Variants in FTCD observed in about 807,000 individuals in gnomAD.
FTCD encodes formimidoyltransferase-cyclodeaminase.
In FTCD, 76 loss-of-function variants were observed where a neutral mutation model predicts 62.9. The observed-to-expected ratio is 1.21, with a 90% confidence interval of 1.00 to 1.46. The LOEUF is 1.46. Among genes scored for constraint, FTCD ranks in the 40% most tolerant of loss-of-function variants. FTCD has a pLI of 0.00. For missense variants in FTCD, 845 were observed against 751.3 expected (o/e 1.12, Z -1.46); for synonymous variants, 397 against 336.9 (o/e 1.18, Z -1.95).
At chr21:46,146,693 A>C (rs1477163862) in intron 7 of FTCD, 7 of 356,398 alleles carry the variant, frequency 2.0e-5, no homozygotes, top group African/African-American at 1.0e-4. Flanking sequence ...GAAAGATTTT[A>C]ATTCACCAAG....
At position 46,137,329 on chromosome 21, in the gene FTCD, C is replaced by T. The variant is rs371212557; in HGVS notation, c.1449G>A (p.Ala483=). The T allele has an allele frequency of 1.6e-5, 26 of 1,612,936 alleles. No individual in the cohort carries two copies. The highest frequency in any genetic ancestry group is 3.3e-5 in the Admixed American group (2 of 60,028). ...ACACGCCCATCTCCAGGGCTTTGGC[C>T]GCCACCTGCAAGGACCCCAGGGAGC... ...NLACRSDLQV[A]AKALEMGVFG... Residue 483 remains alanine, a synonymous_variant, in exon 13 of 14, where the codon GCG becomes GCA. Transcript: ENST00000397746.
At position 46,145,897 on chromosome 21, in the gene FTCD, A is replaced by G; in HGVS notation, c.1019T>C (p.Leu340Pro). 1 of 1,487,960 alleles carries G rather than the reference A, an allele frequency of 6.7e-7. No individual in the cohort carries two copies. The highest frequency in any genetic ancestry group is 1.3e-5 in the South Asian group (1 of 79,690). The allele number at this position is 1,487,960 out of a possible 1,614,324, so 92.2% of individuals were successfully genotyped here. A position where few individuals can be genotyped will look rare whatever the true frequency, so the allele number is the denominator to read the frequency against. Reference sequence around the variant, plus strand: ...ACCCACCTCCCCCACGAAGGCGCGCAGGGACTTGCTGCCCAGGCCTCGCTC... The same window carrying G: ...ACCCACCTCCCCCACGAAGGCGCGCGGGGACTTGCTGCCCAGGCCTCGCTC... ...GPERGLGSKS[L>P]RAFVGEVGAR... is the part of the protein sequence containing the mutation. Residue 340 changes from leucine (L) to proline (P), a missense_variant, in exon 9 of 14, where the codon CTG (leucine) becomes CCG (proline). By Grantham distance (98) the Leu-to-Pro change is moderately conservative. Transcript: ENST00000397746.
chr21:46,138,296 T>TC, intron 12 of FTCD, among the ~76,000 whole-genome samples: 1 of 152,106 alleles, frequency 6.6e-6, no homozygotes, highest in Non-Finnish European at 1.5e-5. Context: ...CACATTTGGG[T>TC]CTCCGTCTGT....
intron 10 of FTCD, among the ~76,000 whole-genome samples, chr21:46,140,036 A>T (rs1225932268): frequency 1.3e-5 from 2 of 152,226 alleles, no homozygotes; most frequent in Non-Finnish European, 2.9e-5. Flanking sequence ...GTGGTGGGGA[A>T]ATACAGTTTT....
At chr21:46,139,745 G>A (rs552862333) in intron 10 of FTCD, among the ~76,000 whole-genome samples, 2 of 152,336 alleles carry the variant, frequency 1.3e-5, no homozygotes, top group South Asian at 2.1e-4. Flanking sequence ...CTGACTGGCT[G>A]GGGCATCATC....
At chr21:46,149,735 T>A (rs147308773) in intron 7 of FTCD, among the ~76,000 whole-genome samples, 1 of 152,258 alleles carries the variant, frequency 6.6e-6, no homozygotes, top group Non-Finnish European at 1.5e-5. Flanking sequence ...AGCCGCTCCG[T>A]GGATGGGGAT....
At position 46,146,246 on chromosome 21, in the gene FTCD, G is replaced by GC; in HGVS notation, c.968+19dup. On this transcript the variant is annotated intron_variant, in intron 8 of 13. Transcript: ENST00000397746. ...AGAGCCCGGGAGGGGTGAGAAGAGGGCGGGAGGGCAGAGGCTCACTCGATG... is the reference window on the plus strand; with the variant it reads ...AGAGCCCGGGAGGGGTGAGAAGAGGGCCGGGAGGGCAGAGGCTCACTCGATG... 6.4e-7 allele frequency: 1 copy of GC among 1,562,738 alleles called. No individual in the cohort carries two copies. Among genetic ancestry groups the GC allele is most frequent in the Non-Finnish European group, 8.8e-7 (1 of 1,140,504 alleles).
In FTCD at chr21:46,151,579, C is replaced by T; in HGVS notation, c.615G>A (p.Glu205=). ...QAHRIALNLR[E]QGRGKDQPGR... is the part of the protein sequence containing the mutation. ...TCACCTGGTCCTTCCCGCGGCCCTG[C>T]TCCCGCAGGTTGAGCGCGATGCGGT... The change falls in exon 5 of 14, where the codon GAG becomes GAA. Residue 205 remains glutamate (E), a synonymous_variant. Coordinates refer to ENST00000397746, the MANE Select transcript of FTCD (RefSeq NM_206965.2). The T allele has an allele frequency of 1.2e-6, 2 of 1,612,908 alleles. No individual in the cohort carries two copies. Among genetic ancestry groups the T allele is most frequent in the South Asian group, 2.2e-5 (2 of 91,092 alleles).
chr21:46,136,640 G>A, downstream of FTCD: 1 of 1,484,502 alleles, frequency 6.7e-7, no homozygotes, highest in Non-Finnish European at 9.0e-7. Context: ...CTGGCGCTGA[G>A]GTCTGTCTCC....
At chr21:46,152,832 G>A in intron 3 of FTCD, 75 bp downstream of exon 3, 5 of 1,288,834 alleles carry the variant, frequency 3.9e-6, no homozygotes, top group Non-Finnish European at 5.4e-6. Context: ...CAGGGAACTG[G>A]GGGATACAGA....
intron 3 of FTCD, 161 bp from the exon 4 acceptor site, chr21:46,152,141 G>A (rs1372549753): frequency 1.7e-6 from 1 of 594,110 alleles, no homozygotes; most frequent in South Asian, 2.1e-5. Context: ...ATGGATGCGG[G>A]TGGTCCCAGT....
intron 3 of FTCD, chr21:46,152,608 TTTAG>T: frequency 3.1e-6 from 1 of 319,140 alleles, no homozygotes; most frequent in Non-Finnish European, 5.8e-6. Flanking sequence ...ATTTTCTTGA[TTTAG>T]TTAATTTCCC....
chr21:46,154,400 T>C, intron 1 of FTCD, 68 bp from the exon 2 acceptor site: 1 of 1,529,210 alleles, frequency 6.5e-7, no homozygotes, highest in Non-Finnish European at 8.8e-7. Flanking sequence ...AGCTTGGAGG[T>C]GGCTGCACCC....
chr21:46,147,383 C>T (rs1349084029), intron 7 of FTCD, among the ~76,000 whole-genome samples: 3 of 152,154 alleles, frequency 2.0e-5, no homozygotes, highest in Admixed American at 2.0e-4. Context: ...TTGTGTGGTT[C>T]CAGAACTCCA....
chr21:46,155,082 G>A (rs975679075), intron 1 of FTCD, among the ~76,000 whole-genome samples: 5 of 152,204 alleles, frequency 3.3e-5, no homozygotes, highest in South Asian at 2.1e-4. Flanking sequence ...ATGGAGAGGC[G>A]GCAGTGGGGA....
At chr21:46,149,958 G>A (rs894904425) in intron 7 of FTCD, among the ~76,000 whole-genome samples, 161 bp downstream of exon 7, 1 of 152,148 alleles carries the variant, frequency 6.6e-6, no homozygotes, top group Non-Finnish European at 1.5e-5. Context: ...TCAATAAGGT[G>A]TCCAAAATAA....
At chr21:46,150,753 C>CGCT (rs2079250850) in intron 5 of FTCD, among the ~76,000 whole-genome samples, 1 of 151,790 alleles carries the variant, frequency 6.6e-6, no homozygotes, top group African/African-American at 2.4e-5. Flanking sequence ...AGGCCCACCC[C>CGCT]GGCAGGCCCC....
rs2079339909 is a variant in FTCD, at chr21:46,153,080, C to CGGGT, written c.239-49_239-46dup. 2.6e-6 allele frequency: 4 copies of CGGGT among 1,529,332 alleles called. No individual in the cohort carries two copies. In the South Asian group the frequency reaches 4.8e-5, roughly 18 times the overall value. 94.7% of individuals were successfully genotyped at this position (1,529,332 alleles called of 1,614,324 possible). A position where few individuals can be genotyped will look rare whatever the true frequency, so the allele number is the denominator to read the frequency against. On this transcript the variant is annotated intron_variant, in intron 2 of 13. Transcript: ENST00000397746. ...CCGGGCAGGAGGCCAGGTGTGGGAG[C>CGGGT]GGGTGGGAGCTCCACGGGGTTCTCG...
chr21:46,147,942 CAAAAAAAA>C (rs3057182), intron 7 of FTCD, among the ~76,000 whole-genome samples: 2 of 96,178 alleles, frequency 2.1e-5, no homozygotes, highest in Non-Finnish European at 2.1e-5. Flanking sequence ...GGCTCCATCT[CAAAAAAAA>C]AAAAAAAAAA....
Sources: allele counts gnomAD v4.1 joint callset (sites outside exome capture counted in the v4.1 genomes callset), GRCh38; gene constraint gnomAD v4.1.1; transcripts MANE v1.5; gene names NCBI Gene and HGNC (gene_info 2026-07-23, HGNC 2026-07-21).